Variants in NFIB observed in about 807,000 individuals in gnomAD.
The protein encoded by NFIB is nuclear factor I B.
Under a neutral mutation model 61.5 loss-of-function variants are expected in NFIB, and 11 were observed. That is an observed-to-expected ratio of 0.18 (90% confidence interval 0.11 to 0.30). NFIB has a LOEUF of 0.30. Ranked by LOEUF, NFIB falls within the 10% of genes least tolerant of loss-of-function variation. The probability of loss-of-function intolerance (pLI) is 1.00; values close to 1 mark genes in which losing one functional copy is unlikely to be tolerated. For synonymous variants in NFIB, 260 were observed against 216.5 expected, an observed-to-expected ratio of 1.20 and a Z score of -1.76; for missense variants, 471 against 608.9, an observed-to-expected ratio of 0.77 and a Z score of 2.38.
At chr9:14,216,496 C>T (rs1049716825) in intron 2 of NFIB, among the ~76,000 whole-genome samples, 1 of 1,264 alleles carries the variant, frequency 7.9e-4, no homozygotes, top group Non-Finnish European at 0.014. Context: ...CATTCTTTCT[C>T]TCTCTCTCTC....
At chr9:14,519,172 C>T in the NFIB span, among the ~76,000 whole-genome samples, 115,484 of 152,012 alleles carry the variant, frequency 0.76, 44,054 homozygotes, top group Admixed American at 0.8. Flanking sequence ...CAAGCACTAA[C>T]AATGGGCTAA....
At chr9:14,318,991 AT>A (rs746161279), upstream of NFIB, among the ~76,000 whole-genome samples, 2 of 152,000 alleles carry the variant, frequency 1.3e-5, no homozygotes, top group Non-Finnish European at 2.9e-5. Flanking sequence ...TAGGGTAGTA[AT>A]TTTTTCCCCA....
intron 3 of NFIB, among the ~76,000 whole-genome samples, chr9:14,157,287 C>T (rs896225696): frequency 1.3e-5 from 2 of 152,122 alleles, no homozygotes; most frequent in Non-Finnish European, 2.9e-5. Flanking sequence ...TTTACCAGAA[C>T]AAAAGGCACC....
At chr9:14,112,923 G>T in intron 10 of NFIB, 76 bp downstream of exon 10, 2 of 1,413,380 alleles carry the variant, frequency 1.4e-6, no homozygotes, top group Non-Finnish European at 1.9e-6. Flanking sequence ...TCTGAGTCCG[G>T]ATCTGAGAGG....
chr9:14,440,735 T>C, the NFIB span, among the ~76,000 whole-genome samples: 1 of 152,240 alleles, frequency 6.6e-6, no homozygotes, highest in Non-Finnish European at 1.5e-5. Context: ...TGCAATGAAA[T>C]GAATAGAGAA....
At chr9:14,363,190 TTG>T (rs1175767615) in intron 1 of NFIB, among the ~76,000 whole-genome samples, 27 of 152,226 alleles carry the variant, frequency 1.8e-4, no homozygotes, top group Middle Eastern at 3.4e-3. Context: ...CACAAACTCT[TTG>T]TCTTTTACGG....
At chr9:14,463,538 C>A in the NFIB span, among the ~76,000 whole-genome samples, 2 of 152,118 alleles carry the variant, frequency 1.3e-5, no homozygotes, top group Non-Finnish European at 2.9e-5. Flanking sequence ...ATCTCTAATT[C>A]CTCCCCTCCT....
At chr9:14,462,724 G>A in the NFIB span, among the ~76,000 whole-genome samples, 1 of 152,198 alleles carries the variant, frequency 6.6e-6, no homozygotes, top group Admixed American at 6.5e-5. Context: ...ATTTTTCATA[G>A]TTAAAAGTGA....
the NFIB span, among the ~76,000 whole-genome samples, chr9:14,448,002 C>A: frequency 1.3e-5 from 2 of 152,140 alleles, no homozygotes; most frequent in Non-Finnish European, 2.9e-5. Flanking sequence ...CTATACTGAT[C>A]TGGCTTTCTA....
At chr9:14,387,965 G>A (rs1001158921) in intron 1 of NFIB, among the ~76,000 whole-genome samples, 15 of 152,138 alleles carry the variant, frequency 9.9e-5, no homozygotes, top group Non-Finnish European at 1.5e-4. Context: ...ACCCAACTGT[G>A]AGGCACTGCT....
intron 2 of NFIB, among the ~76,000 whole-genome samples, chr9:14,266,685 A>T (rs1238994158): frequency 1.3e-5 from 2 of 151,716 alleles, no homozygotes; most frequent in Non-Finnish European, 2.9e-5. Flanking sequence ...TTTGTGGCCC[A>T]TCTCAGCATT....
the NFIB span, among the ~76,000 whole-genome samples, chr9:14,453,417 T>A: frequency 6.6e-6 from 1 of 152,222 alleles, no homozygotes; most frequent in East Asian, 1.9e-4. Flanking sequence ...AGTGCTTACA[T>A]CCTAATAGGT....
At chr9:14,280,512 C>T (rs148917328) in intron 2 of NFIB, among the ~76,000 whole-genome samples, 111 of 152,224 alleles carry the variant, frequency 7.3e-4, no homozygotes, top group African/African-American at 1.9e-3. Flanking sequence ...TATTTTAAAA[C>T]TAGATTAGAG....
chr9:14,514,319 T>TAC, the NFIB span, among the ~76,000 whole-genome samples: 47 of 52,712 alleles, frequency 8.9e-4, no homozygotes, highest in African/African-American at 2.7e-3. Context: ...TACACATACA[T>TAC]ACATACATAC....
At chr9:14,526,175 A>G in the NFIB span, among the ~76,000 whole-genome samples, 1 of 152,266 alleles carries the variant, frequency 6.6e-6, no homozygotes, top group Non-Finnish European at 1.5e-5. Flanking sequence ...CAGAAAATGA[A>G]CATAGTATGT....
intron 1 of NFIB, among the ~76,000 whole-genome samples, chr9:14,310,253 CTCTT>C (rs923652811): frequency 1.3e-5 from 2 of 152,178 alleles, no homozygotes; most frequent in African/African-American, 4.8e-5. Context: ...TTAAAACATG[CTCTT>C]TTTTTTGAGA....
intron 3 of NFIB, among the ~76,000 whole-genome samples, chr9:14,173,842 C>A (rs970575926): frequency 6.6e-6 from 1 of 152,132 alleles, no homozygotes; most frequent in Non-Finnish European, 1.5e-5. Flanking sequence ...CCTAAATTGT[C>A]CCCTTTTTTT....
chr9:14,420,619 C>G, the NFIB span, among the ~76,000 whole-genome samples: 2 of 152,034 alleles, frequency 1.3e-5, no homozygotes, highest in Non-Finnish European at 2.9e-5. Flanking sequence ...CTTCATGGCT[C>G]TAGCCTACCA....
intron 1 of NFIB, among the ~76,000 whole-genome samples, chr9:14,354,225 G>A (rs922177015): frequency 9.9e-5 from 15 of 152,226 alleles, no homozygotes; most frequent in African/African-American, 1.4e-4. Flanking sequence ...AAAGATTTTA[G>A]TGTCTCCTTT....
Sources: gnomAD v4.1 joint callset for allele counts (sites outside exome capture counted in the v4.1 genomes callset) on GRCh38, gnomAD v4.1.1 for gene constraint, MANE v1.5 for transcripts, NCBI Gene and HGNC (gene_info 2026-07-23, HGNC 2026-07-21) for gene names.